Variants in MAP1LC3B observed in about 807,000 individuals in gnomAD.
The protein encoded by MAP1LC3B is microtubule-associated protein 1 light chain 3 beta.
MAP1LC3B carries 12 observed loss-of-function variants against 16.7 expected under a neutral mutation model. The observed-to-expected ratio is 0.72, with a 90% CI of 0.46 to 1.16. The LOEUF is 1.16. Among genes scored for constraint, MAP1LC3B ranks in the 50% most tolerant of loss-of-function variants. The pLI is 0.00. For missense variants in MAP1LC3B, 155 were observed against 159.5 expected, an observed-to-expected ratio of 0.97 and a Z score of 0.15; for synonymous variants, 63 against 56.5, an observed-to-expected ratio of 1.11 and a Z score of -0.51.
chr16:87,393,853 G>A (rs535461280), intron 1 of MAP1LC3B, among the ~76,000 whole-genome samples: 1 of 152,302 alleles, frequency 6.6e-6, no homozygotes, highest in East Asian at 1.9e-4. Context: ...CGATCCAGCG[G>A]CCCCCCTCAG....
At chr16:87,396,493 CT>C (rs1050024301) in intron 1 of MAP1LC3B, among the ~76,000 whole-genome samples, 1 of 151,280 alleles carries the variant, frequency 6.6e-6, no homozygotes, top group Non-Finnish European at 1.5e-5. Flanking sequence ...AAAAAAAATT[CT>C]TTCCCCTCTG....
At chr16:87,395,896 T>C (rs1160284625) in intron 1 of MAP1LC3B, among the ~76,000 whole-genome samples, 1 of 131,818 alleles carries the variant, frequency 7.6e-6, no homozygotes, top group Non-Finnish European at 1.6e-5. Context: ...GATCTCGCGC[T>C]GTCACCCAGG....
chr16:87,398,910 G>A (rs1243023536), intron 2 of MAP1LC3B, 40 bp downstream of exon 2: 13 of 1,552,484 alleles, frequency 8.4e-6, no homozygotes, highest in South Asian at 2.2e-5. Context: ...ATGAATGTAC[G>A]CAGAGGAGAG....
intron 3 of MAP1LC3B, 88 bp from the exon 4 acceptor site, chr16:87,402,831 ATTTT>A: frequency 2.1e-6 from 3 of 1,441,114 alleles, no homozygotes; most frequent in Non-Finnish European, 2.8e-6. Context: ...ACATTTTTAT[ATTTT>A]ACCGATCAGA....
Position 87,404,697 on chromosome 16 carries a change from A to G in MAP1LC3B, c.*1600A>G, listed in dbSNP as rs995583012. 4 of 152,210 alleles carry G rather than the reference A, an allele frequency of 2.6e-5. No individual in the cohort carries two copies. Among genetic ancestry groups the G allele is most frequent in the African/African-American group, 9.6e-5 (4 of 41,452 alleles). The allele number at this position is 152,210 out of a possible 1,614,324, so 9.4% of individuals were successfully genotyped here. ...TGAGGGGTGACCTATATCCCATGTG[A>G]GTGGTCACTTTATTTATAGGATCTT... On this transcript the variant is annotated 3_prime_UTR_variant, in exon 4 of 4. Transcript: ENST00000268607.
chr16:87,392,495 GCGGCGGGGC>G, intron 1 of MAP1LC3B, 28 bp downstream of exon 1: 1 of 1,301,592 alleles, frequency 7.7e-7, no homozygotes, highest in Non-Finnish European at 9.7e-7. Flanking sequence ...GGCGGCGGGT[GCGGCGGGGC>G]CGGGGTCCGA....
At chr16:87,402,683 G>A in intron 3 of MAP1LC3B, 1 of 588,874 alleles carries the variant, frequency 1.7e-6, no homozygotes, top group South Asian at 2.1e-5. Context: ...ATATTAGACA[G>A]TTTAACAGCT....
chr16:87,395,892 G>A (rs561514083), intron 1 of MAP1LC3B, among the ~76,000 whole-genome samples: 37 of 113,696 alleles, frequency 3.3e-4, no homozygotes, highest in African/African-American at 1.1e-3. Context: ...ACAGGATCTC[G>A]CGCTGTCACC....
Position 87,403,243 on chromosome 16 carries a change from T to G in MAP1LC3B, c.*146T>G. On this transcript the variant is annotated 3_prime_UTR_variant, in exon 4 of 4. Transcript: ENST00000268607. ...CACCTAGGAGTGTTAGGAAGTTGTG[T>G]TTGTGTTTCAAGCAGAAAAACTGAG... 1 of 942,036 alleles carries G rather than the reference T, an allele frequency of 1.1e-6. No individual in the cohort carries two copies. Among genetic ancestry groups the G allele is most frequent in the Non-Finnish European group, 1.5e-6 (1 of 655,428 alleles). The allele number at this position is 942,036 out of a possible 1,614,324, so 58.4% of individuals were successfully genotyped here.
At chr16:87,395,332 A>T (rs1426828225) in intron 1 of MAP1LC3B, among the ~76,000 whole-genome samples, 4 of 152,120 alleles carry the variant, frequency 2.6e-5, no homozygotes, top group Non-Finnish European at 4.4e-5. Flanking sequence ...TCAGTTGTTG[A>T]TGAACTCTCT....
intron 2 of MAP1LC3B, chr16:87,399,089 T>C (rs1478895418): frequency 1.9e-6 from 1 of 538,400 alleles, no homozygotes; most frequent in Non-Finnish European, 3.3e-6. Context: ...CAGTGCAGTC[T>C]CAGCCACCTT....
rs1043979090 is a variant in MAP1LC3B at position 87,402,257 on chromosome 16, T to C, written c.179T>C (p.Met60Thr). 2 of 1,614,120 alleles carry C rather than the reference T, an allele frequency of 1.2e-6. No individual in the cohort carries two copies. Among genetic ancestry groups the C allele is most frequent in the Admixed American group, 3.3e-5 (2 of 59,988 alleles). ...TKFLVPDHVN[M>T]SELIKIIRRR... ...TTCCTTGTACCTGACCATGTCAACATGAGTGAGCTCATCAAGATAATTAGG... is the reference window on the plus strand; with the variant it reads ...TTCCTTGTACCTGACCATGTCAACACGAGTGAGCTCATCAAGATAATTAGG... The change falls in exon 3 of 4, where the codon ATG becomes ACG. Residue 60 changes from methionine to threonine, a missense_variant. By Grantham distance (81) the Met-to-Thr change is moderately conservative (BLOSUM62 -1). Coordinates refer to ENST00000268607, the MANE Select transcript of MAP1LC3B (RefSeq NM_022818.5).
At chr16:87,396,098 T>A (rs1203167029) in intron 1 of MAP1LC3B, among the ~76,000 whole-genome samples, 1 of 151,254 alleles carries the variant, frequency 6.6e-6, no homozygotes, top group Admixed American at 6.6e-5. Flanking sequence ...TGACCTCAGG[T>A]GATCCGCCCG....
chr16:87,395,140 C>T (rs185798053), intron 1 of MAP1LC3B, among the ~76,000 whole-genome samples: 3 of 152,172 alleles, frequency 2.0e-5, no homozygotes, highest in Admixed American at 6.5e-5. Context: ...GAAGATATCT[C>T]AAAACAACTT....
chr16:87,398,984 T>A, intron 2 of MAP1LC3B, 114 bp downstream of exon 2: 1 of 889,072 alleles, frequency 1.1e-6, no homozygotes, highest in Non-Finnish European at 1.9e-6. Context: ...AAACCCTGGG[T>A]GTCAGTTTCA....
chr16:87,402,140 G>A (rs750397253), intron 2 of MAP1LC3B, 35 bp from the exon 3 acceptor site: 3 of 1,612,210 alleles, frequency 1.9e-6, no homozygotes, highest in African/African-American at 1.3e-5. Context: ...TGGCCCTGAT[G>A]ACTATTTTAA....
intron 1 of MAP1LC3B, 49 bp downstream of exon 1, chr16:87,392,516 C>G: frequency 7.9e-7 from 1 of 1,268,938 alleles, no homozygotes; most frequent in African/African-American, 1.6e-5. Context: ...GGGGTCCGAG[C>G]TGTGGAGGGC....
chr16:87,402,834 T>C, intron 3 of MAP1LC3B, 89 bp from the exon 4 acceptor site: 3 of 1,460,590 alleles, frequency 2.1e-6, no homozygotes, highest in Non-Finnish European at 2.8e-6. Flanking sequence ...TTTTTATATT[T>C]TACCGATCAG....
In MAP1LC3B at chr16:87,403,002, A is replaced by G. The variant is rs747241240; in HGVS notation, c.283A>G (p.Ile95Val). The G allele has an allele frequency of 1.2e-6, 2 of 1,614,044 alleles. No individual in the cohort carries two copies. Among genetic ancestry groups the G allele is most frequent in the South Asian group, 2.2e-5 (2 of 91,076 alleles). Residue 95 changes from isoleucine to valine, a missense_variant, in exon 4 of 4, where the codon ATC becomes GTC. Ile to Val is a conservative substitution (Grantham distance 29). Transcript: ENST00000268607. ...GHSMVSVSTP[I>V]SEVYESEKDE... ...CAGCATGGTCAGCGTCTCCACACCAATCTCAGAGGTGTATGAGAGTGAGAA... is the reference window on the plus strand; with the variant it reads ...CAGCATGGTCAGCGTCTCCACACCAGTCTCAGAGGTGTATGAGAGTGAGAA...
Sources: gnomAD v4.1 joint callset for allele counts (sites outside exome capture counted in the v4.1 genomes callset) on GRCh38, gnomAD v4.1.1 for gene constraint, MANE v1.5 for transcripts, NCBI Gene and HGNC (gene_info 2026-07-23, HGNC 2026-07-21) for gene names.